The following SERPING1 variants were observed in gnomAD, a reference collection of about 807,000 sequenced individuals.
The protein encoded by SERPING1 is plasma protease C1 inhibitor.
SERPING1 carries 5 observed loss-of-function variants against 34.1 expected under a neutral mutation model. The ratio of observed to expected loss-of-function variants is 0.15; its 90% CI spans 0.08 to 0.31. SERPING1 has a LOEUF of 0.31. SERPING1 is among the 10% of genes least tolerant of loss of function. The pLI is 1.00. For missense variants in SERPING1, 505 were observed against 609.5 expected, an observed-to-expected ratio of 0.83 and a Z score of 1.81; for synonymous variants, 225 against 242.4, an observed-to-expected ratio of 0.93 and a Z score of 0.67.
intron 4 of SERPING1, 86 bp from the exon 5 acceptor site, chr11:57,605,924 T>TAGAA: frequency 8.1e-7 from 1 of 1,241,216 alleles, no homozygotes; most frequent in Non-Finnish European, 1.2e-6. Context: ...GATAGAACCA[T>TAGAA]AGAAAGCATG....
chr11:57,608,002 C>T (rs1413126672), intron 6 of SERPING1, among the ~76,000 whole-genome samples: 2 of 152,180 alleles, frequency 1.3e-5, no homozygotes, highest in Non-Finnish European at 2.9e-5. Flanking sequence ...TATTTATCCA[C>T]TCATGGACTT....
chr11:57,613,303 C>T (rs1945501323), intron 7 of SERPING1, among the ~76,000 whole-genome samples: 1 of 152,192 alleles, frequency 6.6e-6, no homozygotes, highest in South Asian at 2.1e-4. Flanking sequence ...CTGGAAATAA[C>T]ATCAGATCCC....
Position 57,614,845 on chromosome 11 carries a change from A to C in SERPING1, c.*264A>C, listed in dbSNP as rs1281710733. On this transcript the variant is annotated 3_prime_UTR_variant, in exon 8 of 8. Coordinates refer to ENST00000278407, the MANE Select transcript of SERPING1 (RefSeq NM_000062.3). ...CTCTATAAATAAAACCTGACAGACCATGACTTTCTCTGCTTTGCCTTTGTT... is the reference window on the plus strand; with the variant it reads ...CTCTATAAATAAAACCTGACAGACCCTGACTTTCTCTGCTTTGCCTTTGTT... 2 of 469,848 alleles carry C rather than the reference A, an allele frequency of 4.3e-6. No homozygotes were observed. Among genetic ancestry groups the C allele is most frequent in the Non-Finnish European group, 7.5e-6 (2 of 266,036 alleles). 29.1% of individuals were successfully genotyped at this position (469,848 alleles called of 1,614,324 possible). A position where few individuals can be genotyped will look rare whatever the true frequency, so the allele number is the denominator to read the frequency against.
chr11:57,611,894 G>A lies in SERPING1; in HGVS notation c.1207G>A (p.Val403Met), dbSNP rs369289151. 5 of 1,614,058 alleles carry A rather than the reference G, an allele frequency of 3.1e-6. No individual in the cohort carries two copies. The African/African-American group carries it at 5.3e-5, about 17-fold the overall frequency. ...PTLLTLPRIK[V>M]TTSQDMLSIM... ...TCTCCTAACACTACCCCGCATCAAA[G>A]TGACGACCAGCCAGGATATGCTCTC... Residue 403 changes from valine (V) to methionine (M), a missense_variant, in exon 7 of 8, where the codon GTG becomes ATG. Coordinates refer to ENST00000278407, the MANE Select transcript of SERPING1 (RefSeq NM_000062.3).
chr11:57,599,096 C>T (rs943366088), intron 2 of SERPING1, among the ~76,000 whole-genome samples: 1 of 152,040 alleles, frequency 6.6e-6, no homozygotes, highest in African/African-American at 2.4e-5. Flanking sequence ...AGTTTCTCTA[C>T]CTGTGAAATG....
chr11:57,614,041 C>T (rs1590831088), intron 7 of SERPING1, among the ~76,000 whole-genome samples: 1 of 152,036 alleles, frequency 6.6e-6, no homozygotes. Context: ...GATCTATTAC[C>T]TCACTTCCAA....
intron 1 of SERPING1, 79 bp from the exon 2 acceptor site, chr11:57,598,170 T>G: frequency 9.1e-7 from 1 of 1,094,742 alleles, no homozygotes; most frequent in Non-Finnish European, 1.3e-6. Flanking sequence ...TGAGACGGAA[T>G]GGGGGCGGGC....
At chr11:57,599,842 G>A (rs770598103) in intron 2 of SERPING1, 37 bp from the exon 3 acceptor site, 3 of 1,614,078 alleles carry the variant, frequency 1.9e-6, no homozygotes, top group South Asian at 2.2e-5. Context: ...GTGCCTCGTA[G>A]TAAGAAAAAA....
At position 57,606,165 on chromosome 11, in the gene SERPING1, C is replaced by A; in HGVS notation, c.841C>A (p.Leu281Met). The change falls in exon 5 of 8, where the codon CTG (leucine) becomes ATG (methionine). Residue 281 changes from leucine (L) to methionine (M), a missense_variant. Coordinates refer to ENST00000278407, the MANE Select transcript of SERPING1 (RefSeq NM_000062.3). ...NNKISRLLDSLPSDTRLVLLN... is the reference protein window; with the variant it reads ...NNKISRLLDSMPSDTRLVLLN... ...CAAGATCAGCCGGCTGCTAGACAGT[C>A]TGCCCTCCGATACCCGCCTTGTCCT... 2 of 1,614,190 alleles carry A rather than the reference C, an allele frequency of 1.2e-6. No individual in the cohort carries two copies. The highest frequency in any genetic ancestry group is 1.7e-6 in the Non-Finnish European group (2 of 1,180,020).
At chr11:57,607,879 C>T (rs953887125) in intron 6 of SERPING1, among the ~76,000 whole-genome samples, 2 of 152,058 alleles carry the variant, frequency 1.3e-5, no homozygotes, top group African/African-American at 4.8e-5. Context: ...AAGCTGGTCT[C>T]GAACTCCTGA....
At chr11:57,612,078 G>T in intron 7 of SERPING1, 142 bp downstream of exon 7, 1 of 757,492 alleles carries the variant, frequency 1.3e-6, no homozygotes, top group Non-Finnish European at 2.3e-6. Context: ...AGAGGGGTAG[G>T]TGCTATTATC....
rs1484049637 is a variant in SERPING1 at position 57,606,103 on chromosome 11, A to G, written c.779A>G (p.Glu260Gly). Residue 260 changes from glutamate (E) to glycine (G), a missense_variant, in exon 5 of 8, where the codon GAG (glutamate) becomes GGG (glycine). Physicochemically the swap from Glu to Gly is moderately conservative, Grantham distance 98 (BLOSUM62 -2). Coordinates refer to ENST00000278407, the MANE Select transcript of SERPING1 (RefSeq NM_000062.3). ...AGCAACAACAGTGACGCCAACTTGGAGCTCATCAACACCTGGGTGGCCAAG... is the reference window on the plus strand; with the variant it reads ...AGCAACAACAGTGACGCCAACTTGGGGCTCATCAACACCTGGGTGGCCAAG... Reference protein sequence around the residue: ...VLSNNSDANLELINTWVAKNT... With the variant: ...VLSNNSDANLGLINTWVAKNT... 6.2e-7 allele frequency: 1 copy of G among 1,613,970 alleles called. No homozygotes were observed. Among genetic ancestry groups the G allele is most frequent in the Non-Finnish European group, 8.5e-7 (1 of 1,180,022 alleles).
chr11:57,599,373 T>G (rs1189461868), intron 2 of SERPING1, among the ~76,000 whole-genome samples: 2 of 152,108 alleles, frequency 1.3e-5, no homozygotes, highest in Non-Finnish European at 2.9e-5. Flanking sequence ...CCTCCCTTCT[T>G]TCCTCCTTCC....
intron 2 of SERPING1, 69 bp from the exon 3 acceptor site, chr11:57,599,810 G>A (rs1945326466): frequency 1.7e-5 from 28 of 1,609,764 alleles, no homozygotes; most frequent in South Asian, 2.2e-5. Flanking sequence ...TTCTCTTCCT[G>A]CTTTGAGTAT....
intron 4 of SERPING1, among the ~76,000 whole-genome samples, chr11:57,602,691 G>T (rs917876737): frequency 1.3e-5 from 2 of 149,912 alleles, no homozygotes; most frequent in East Asian, 4.0e-4. Context: ...GGAGGCGGAG[G>T]TTGCAGTGAG....
At chr11:57,600,673 A>G (rs570022911) in intron 3 of SERPING1, among the ~76,000 whole-genome samples, 35 of 152,300 alleles carry the variant, frequency 2.3e-4, no homozygotes, top group African/African-American at 7.5e-4. Context: ...AGATGAAATT[A>G]GGCGCAGTGG....
chr11:57,607,662 G>A (rs1259815160), intron 6 of SERPING1, among the ~76,000 whole-genome samples: 1 of 152,030 alleles, frequency 6.6e-6, no homozygotes, highest in Non-Finnish European at 1.5e-5. Flanking sequence ...AGACTTCATA[G>A]AGGAGGGTTT....
In SERPING1 at chr11:57,600,391, T is replaced by A. The variant is rs202062832; in HGVS notation, c.550+14T>A. ...AGGTCCTGCTCGGTAAGACCCTGCT[T>A]GAATTCTCTCCAGGTCATTTGTTGG... On this transcript the variant is annotated intron_variant, in intron 3 of 7. Transcript: ENST00000278407. 1 of 1,611,988 alleles carries A rather than the reference T, an allele frequency of 6.2e-7. No individual in the cohort carries two copies. The highest frequency in any genetic ancestry group is 8.5e-7 in the Non-Finnish European group (1 of 1,179,966).
chr11:57,602,511 C>CT (rs1187161081), intron 4 of SERPING1, among the ~76,000 whole-genome samples: 4 of 151,726 alleles, frequency 2.6e-5, no homozygotes, highest in Non-Finnish European at 5.9e-5. Flanking sequence ...AATCCCAGCA[C>CT]TTTGGGAGGC....
Sources: allele counts gnomAD v4.1 joint callset (sites outside exome capture counted in the v4.1 genomes callset), GRCh38; gene constraint gnomAD v4.1.1; transcripts MANE v1.5; gene names NCBI Gene and HGNC (gene_info 2026-07-23, HGNC 2026-07-21).